The following KCTD16 variants were observed in gnomAD, a reference collection of about 807,000 sequenced individuals.
KCTD16 encodes BTB/POZ domain-containing protein KCTD16.
A neutral mutation model predicts 33.2 loss-of-function variants in KCTD16; 13 were observed. The observed-to-expected ratio is 0.39, with a 90% CI of 0.25 to 0.62. KCTD16 has a LOEUF of 0.62. Ranked by LOEUF, KCTD16 falls within the 20% of genes least tolerant of loss-of-function variation. KCTD16 has a pLI of 0.50. For synonymous variants in KCTD16, 197 were observed against 195.3 expected (o/e 1.01, Z -0.07); for missense variants, 441 against 525.1 (o/e 0.84, Z 1.57).
chr5:144,267,970 C>T (rs1488288594), intron 3 of KCTD16, among the ~76,000 whole-genome samples: 1 of 152,164 alleles, frequency 6.6e-6, no homozygotes. Context: ...AGGACTCCAT[C>T]GCCCCACCTA....
At chr5:144,394,800 T>C (rs981141059) in intron 3 of KCTD16, among the ~76,000 whole-genome samples, 1 of 152,232 alleles carries the variant, frequency 6.6e-6, no homozygotes, top group Non-Finnish European at 1.5e-5. Flanking sequence ...TGATTGTAAG[T>C]TTCCTGAGGC....
At chr5:144,189,505 A>T (rs1344352806) in intron 2 of KCTD16, among the ~76,000 whole-genome samples, 1 of 152,084 alleles carries the variant, frequency 6.6e-6, no homozygotes, top group East Asian at 1.9e-4. Context: ...CAAAAAAAAA[A>T]AAAAAGAAAA....
chr5:144,282,546 CCTA>C (rs1259510070), intron 3 of KCTD16, among the ~76,000 whole-genome samples: 1 of 152,118 alleles, frequency 6.6e-6, no homozygotes, highest in Non-Finnish European at 1.5e-5. Flanking sequence ...TAGGTGACAA[CCTA>C]CTATTTGCAT....
chr5:144,467,897 A>G (rs1414494418), intron 3 of KCTD16, among the ~76,000 whole-genome samples: 1 of 152,122 alleles, frequency 6.6e-6, no homozygotes, highest in Non-Finnish European at 1.5e-5. Flanking sequence ...TGGGTTAACC[A>G]CACAGGCTAA....
intron 3 of KCTD16, among the ~76,000 whole-genome samples, chr5:144,304,817 C>CACT (rs1751552561): frequency 6.6e-6 from 1 of 152,096 alleles, no homozygotes; most frequent in East Asian, 1.9e-4. Flanking sequence ...GCAGGTCTGT[C>CACT]ACTGTCTTGA....
At chr5:144,298,136 C>T (rs564131254) in intron 3 of KCTD16, among the ~76,000 whole-genome samples, 2 of 152,170 alleles carry the variant, frequency 1.3e-5, no homozygotes, top group African/African-American at 2.4e-5. Flanking sequence ...CTGGGTTCCA[C>T]GGTTCTCTTC....
intron 3 of KCTD16, among the ~76,000 whole-genome samples, chr5:144,395,937 C>T (rs765413416): frequency 6.6e-6 from 1 of 152,210 alleles, no homozygotes; most frequent in Non-Finnish European, 1.5e-5. Flanking sequence ...TTCATTGGAA[C>T]ACAGTCATAT....
At chr5:144,456,866 T>C (rs1174270227) in intron 3 of KCTD16, among the ~76,000 whole-genome samples, 1 of 152,138 alleles carries the variant, frequency 6.6e-6, no homozygotes, top group Non-Finnish European at 1.5e-5. Flanking sequence ...TTTGAAATTG[T>C]TTTTCCCTCA....
At chr5:144,189,662 A>G (rs1364340245) in intron 2 of KCTD16, among the ~76,000 whole-genome samples, 3 of 152,204 alleles carry the variant, frequency 2.0e-5, no homozygotes, top group Admixed American at 1.3e-4. Context: ...TTCACGGAAT[A>G]TAATTTTCCT....
At chr5:144,212,046 A>C (rs1219236796) in intron 3 of KCTD16, among the ~76,000 whole-genome samples, 2 of 152,186 alleles carry the variant, frequency 1.3e-5, no homozygotes, top group Non-Finnish European at 2.9e-5. Flanking sequence ...TGGATCAGGC[A>C]TCCTTTTACC....
intron 3 of KCTD16, among the ~76,000 whole-genome samples, chr5:144,358,657 G>A (rs900778345): frequency 2.6e-5 from 4 of 152,128 alleles, no homozygotes; most frequent in South Asian, 2.1e-4. Flanking sequence ...CAAACTGGGG[G>A]CTTATAAATG....
At chr5:144,257,443 G>C (rs1355517083) in intron 3 of KCTD16, among the ~76,000 whole-genome samples, 1 of 151,876 alleles carries the variant, frequency 6.6e-6, no homozygotes, top group East Asian at 1.9e-4. Flanking sequence ...AAACAATGGT[G>C]TTTGGAACTT....
At chr5:144,412,582 A>C (rs922603164) in intron 3 of KCTD16, among the ~76,000 whole-genome samples, 1 of 152,130 alleles carries the variant, frequency 6.6e-6, no homozygotes, top group African/African-American at 2.4e-5. Flanking sequence ...AGTTTAATAG[A>C]AGAAGATCGA....
intron 3 of KCTD16, among the ~76,000 whole-genome samples, chr5:144,453,854 G>A (rs1234783007): frequency 6.6e-6 from 1 of 152,092 alleles, no homozygotes; most frequent in Admixed American, 6.6e-5. Context: ...CTGAGACTGA[G>A]ATTAAAAGAT....
rs1013282341 is a variant in KCTD16, at chr5:144,478,338, C to A, written c.*4224C>A. 1 of 152,004 alleles carries A rather than the reference C, an allele frequency of 6.6e-6. No individual in the cohort carries two copies. Among genetic ancestry groups the A allele is most frequent in the Non-Finnish European group, 1.5e-5 (1 of 67,952 alleles). 9.4% of individuals were successfully genotyped at this position (152,004 alleles called of 1,614,324 possible). On this transcript the variant is annotated 3_prime_UTR_variant, in exon 4 of 4. Transcript: ENST00000512467. ...CAGACGAAATGGTTATTGCTCTCTA[C>A]CCCTGCTGAAAGAATAGAGTCTTAA...
At chr5:144,227,135 A>G (rs1425691043) in intron 3 of KCTD16, among the ~76,000 whole-genome samples, 1 of 152,224 alleles carries the variant, frequency 6.6e-6, no homozygotes, top group East Asian at 1.9e-4. Flanking sequence ...GCATAAATAA[A>G]CAAAATATAA....
At chr5:144,296,816 C>T (rs891339976) in intron 3 of KCTD16, among the ~76,000 whole-genome samples, 3 of 152,204 alleles carry the variant, frequency 2.0e-5, no homozygotes, top group African/African-American at 7.2e-5. Context: ...TTCCTTCTCA[C>T]TTTCTCTTCC....
rs540891890 is a variant in KCTD16, at chr5:144,412,877, G to A, written c.833-60783G>A. Reference sequence around the variant, plus strand: ...CTCCAGCCTGGGCCACAGAGTGAGAGAGACCCTGTCTCAAATAAATAAATA... The same window carrying A: ...CTCCAGCCTGGGCCACAGAGTGAGAAAGACCCTGTCTCAAATAAATAAATA... On this transcript the variant is annotated intron_variant, in intron 3 of 3. Coordinates refer to ENST00000512467, the MANE Select transcript of KCTD16 (RefSeq NM_020768.4). Among the ~76,000 whole-genome samples the A allele has an allele frequency of 9.2e-4, 140 of 152,262 alleles. 1 individual carries two copies. The highest frequency in any genetic ancestry group is 3.3e-3 in the African/African-American group (136 of 41,572).
intron 3 of KCTD16, among the ~76,000 whole-genome samples, chr5:144,402,965 G>A (rs775705327): frequency 2.6e-5 from 4 of 152,288 alleles, no homozygotes; most frequent in Admixed American, 2.6e-4. Flanking sequence ...AGACTCCAGA[G>A]AAGAATCTGT....
Sources: allele counts gnomAD v4.1 joint callset (sites outside exome capture counted in the v4.1 genomes callset), GRCh38; gene constraint gnomAD v4.1.1; transcripts MANE v1.5; gene names NCBI Gene and HGNC (gene_info 2026-07-23, HGNC 2026-07-21).